The following BACH2 variants were observed in gnomAD, a reference collection of about 807,000 sequenced individuals.
The protein encoded by BACH2 is transcription regulator protein BACH2.
A neutral mutation model predicts 61.8 loss-of-function variants in BACH2; 5 were observed. The ratio of observed to expected loss-of-function variants is 0.08; its 90% CI spans 0.04 to 0.17. The LOEUF (loss-of-function observed/expected upper bound fraction) is 0.17. BACH2 is among the 10% of genes least tolerant of loss of function. BACH2 has a pLI of 1.00. For synonymous variants in BACH2, 446 were observed against 440.1 expected, an observed-to-expected ratio of 1.01 and a Z score of -0.17; for missense variants, 824 against 1,091.1, an observed-to-expected ratio of 0.76 and a Z score of 3.45.
intron 5 of BACH2, among the ~76,000 whole-genome samples, chr6:90,078,173 C>G (rs1337832169): frequency 6.6e-6 from 1 of 152,146 alleles, no homozygotes; most frequent in Non-Finnish European, 1.5e-5. Context: ...ACCATGGAAG[C>G]TATTGCTCCT....
chr6:89,979,562 C>T (rs1445430668), intron 6 of BACH2, among the ~76,000 whole-genome samples: 1 of 152,218 alleles, frequency 6.6e-6, no homozygotes, highest in Non-Finnish European at 1.5e-5. Flanking sequence ...CCACATCTCC[C>T]TCTCCACGAT....
intron 5 of BACH2, among the ~76,000 whole-genome samples, chr6:90,015,262 A>G (rs942181199): frequency 6.6e-6 from 1 of 151,236 alleles, no homozygotes; most frequent in South Asian, 2.1e-4. Context: ...AAATTATTCT[A>G]TTTTCTAGTT....
intron 4 of BACH2, among the ~76,000 whole-genome samples, chr6:90,130,004 G>A (rs1582400291): frequency 6.6e-6 from 1 of 152,132 alleles, no homozygotes; most frequent in East Asian, 1.9e-4. Flanking sequence ...CGAGTAGCTG[G>A]GATTACAGGT....
chr6:90,203,391 C>CAAA (rs34539345), intron 4 of BACH2, among the ~76,000 whole-genome samples: 21 of 59,764 alleles, frequency 3.5e-4, no homozygotes, highest in Non-Finnish European at 4.9e-4. Context: ...TCTCTCTCTC[C>CAAA]AAAAAAAAAA....
chr6:90,092,980 C>T (rs562743924), intron 4 of BACH2, among the ~76,000 whole-genome samples: 4 of 152,174 alleles, frequency 2.6e-5, no homozygotes, highest in Admixed American at 2.0e-4. Context: ...GCAGTGCTGG[C>T]GCAGAGTCCT....
chr6:90,032,290 G>C (rs1257566190), intron 5 of BACH2, among the ~76,000 whole-genome samples: 2 of 149,038 alleles, frequency 1.3e-5, no homozygotes, highest in Non-Finnish European at 3.0e-5. Flanking sequence ...CAGGACATAG[G>C]CATGGGCAAG....
At chr6:89,954,290 C>G (rs1363763683) in intron 6 of BACH2, among the ~76,000 whole-genome samples, 20 of 137,742 alleles carry the variant, frequency 1.5e-4, no homozygotes, top group Non-Finnish European at 1.6e-5. Flanking sequence ...ACTGTTCACA[C>G]AGTTTTTCTT....
chr6:89,938,102 G>C (rs1773139405), intron 8 of BACH2, 42 bp downstream of exon 8: 1 of 1,566,234 alleles, frequency 6.4e-7, no homozygotes, highest in Admixed American at 1.7e-5. Context: ...CATTAGTCCT[G>C]GTCACTTCAG....
intron 7 of BACH2, among the ~76,000 whole-genome samples, chr6:89,939,116 T>C (rs1773218688): frequency 6.6e-6 from 1 of 152,222 alleles, no homozygotes; most frequent in Non-Finnish European, 1.5e-5. Context: ...ACCAACAGAA[T>C]GCAGCAGTAG....
intron 4 of BACH2, among the ~76,000 whole-genome samples, chr6:90,186,987 C>T (rs1033325328): frequency 2.0e-5 from 3 of 152,148 alleles, no homozygotes; most frequent in Non-Finnish European, 4.4e-5. Context: ...AATGAATAAT[C>T]GCAATTATGC....
At chr6:89,978,161 T>C (rs1286144394) in intron 6 of BACH2, among the ~76,000 whole-genome samples, 2 of 152,232 alleles carry the variant, frequency 1.3e-5, no homozygotes, top group African/African-American at 4.8e-5. Context: ...CAACCATTAA[T>C]AGCACTTATC....
At chr6:90,089,835 G>C (rs1383422067) in intron 4 of BACH2, among the ~76,000 whole-genome samples, 1 of 152,072 alleles carries the variant, frequency 6.6e-6, no homozygotes, top group Non-Finnish European at 1.5e-5. Flanking sequence ...TCTTGTGAGA[G>C]TATGGAGCAG....
intron 5 of BACH2, among the ~76,000 whole-genome samples, chr6:90,034,093 A>G (rs1482786709): frequency 6.6e-6 from 1 of 152,174 alleles, no homozygotes; most frequent in Non-Finnish European, 1.5e-5. Context: ...GGCTGAAGGA[A>G]ATGGCTGTTA....
At chr6:90,286,859 G>A (rs1295304052) in intron 1 of BACH2, among the ~76,000 whole-genome samples, 1 of 152,156 alleles carries the variant, frequency 6.6e-6, no homozygotes, top group East Asian at 1.9e-4. Flanking sequence ...AAAAAAGGAG[G>A]AGAAACAAGT....
chr6:90,193,630 A>G (rs1185436673), intron 4 of BACH2, among the ~76,000 whole-genome samples: 1 of 152,220 alleles, frequency 6.6e-6, no homozygotes, highest in Non-Finnish European at 1.5e-5. Flanking sequence ...ACCTGAGTTC[A>G]GGATTCCTGA....
intron 4 of BACH2, among the ~76,000 whole-genome samples, chr6:90,198,643 CAT>C (rs2127847015): frequency 6.6e-6 from 1 of 152,278 alleles, no homozygotes; most frequent in South Asian, 2.1e-4. Context: ...AAGGCATTGC[CAT>C]ATCCATATGA....
intron 1 of BACH2, among the ~76,000 whole-genome samples, chr6:90,290,536 G>A (rs745661195): frequency 4.6e-5 from 7 of 152,192 alleles, no homozygotes; most frequent in East Asian, 1.9e-4. Flanking sequence ...CACTATCCAC[G>A]AGCTTCTGTT....
At chr6:90,052,920 A>G (rs1381269511) in intron 5 of BACH2, among the ~76,000 whole-genome samples, 1 of 152,180 alleles carries the variant, frequency 6.6e-6, no homozygotes, top group Non-Finnish European at 1.5e-5. Context: ...GTGATTGCTG[A>G]TATATCTGCA....
intron 2 of BACH2, among the ~76,000 whole-genome samples, chr6:90,264,742 C>T (rs976109639): frequency 1.3e-5 from 2 of 152,054 alleles, no homozygotes; most frequent in Admixed American, 6.6e-5. Context: ...GAAAGCTGTC[C>T]CTTTGGGGTT....
Sources: allele counts gnomAD v4.1 joint callset (sites outside exome capture counted in the v4.1 genomes callset), GRCh38; gene constraint gnomAD v4.1.1; transcripts MANE v1.5; gene names NCBI Gene and HGNC (gene_info 2026-07-23, HGNC 2026-07-21).